The following LUZP2 variants were observed in gnomAD, a reference collection of about 807,000 sequenced individuals.
The protein encoded by LUZP2 is leucine zipper protein 2.
In LUZP2, 52 loss-of-function variants were observed where a neutral mutation model predicts 51.6. That is an observed-to-expected ratio of 1.01 (90% CI 0.81 to 1.27). The LOEUF is 1.27. Among genes scored for constraint, LUZP2 ranks in the 50% most tolerant of loss-of-function variants. The pLI is 0.00. For missense variants in LUZP2, 436 were observed against 395.4 expected (o/e 1.10, Z -0.87); for synonymous variants, 154 against 137.3 (o/e 1.12, Z -0.85).
chr11:24,909,502 A>G (rs962241293), intron 6 of LUZP2, among the ~76,000 whole-genome samples: 11 of 150,014 alleles, frequency 7.3e-5, no homozygotes, highest in East Asian at 3.9e-4. Flanking sequence ...TTTTGAGGGA[A>G]AAAAAAAAAA....
chr11:24,669,539 AT>A (rs918594966), intron 1 of LUZP2, among the ~76,000 whole-genome samples: 30 of 149,488 alleles, frequency 2.0e-4, no homozygotes, highest in African/African-American at 2.7e-4. Flanking sequence ...AATCTTTTCT[AT>A]TTTTTTTTTC....
intron 10 of LUZP2, among the ~76,000 whole-genome samples, chr11:25,071,314 G>A (rs1012696565): frequency 6.6e-6 from 1 of 151,856 alleles, no homozygotes; most frequent in African/African-American, 2.4e-5. Flanking sequence ...GTTAACGGGT[G>A]CAGCACACCA....
At chr11:24,648,781 C>G (rs1855539332) in intron 1 of LUZP2, among the ~76,000 whole-genome samples, 1 of 151,898 alleles carries the variant, frequency 6.6e-6, no homozygotes, top group African/African-American at 2.4e-5. Context: ...TCCTTGTACT[C>G]TACAAACTCA....
chr11:25,005,839 T>C (rs1174027555), intron 9 of LUZP2, among the ~76,000 whole-genome samples: 1 of 152,122 alleles, frequency 6.6e-6, no homozygotes, highest in African/African-American at 2.4e-5. Context: ...TCGGATTTAG[T>C]GGCCCTTACC....
intron 7 of LUZP2, among the ~76,000 whole-genome samples, chr11:24,963,625 A>G (rs1223486616): frequency 6.6e-6 from 1 of 152,130 alleles, no homozygotes; most frequent in Admixed American, 6.5e-5. Flanking sequence ...AGAAAGGCGC[A>G]GTATTCGGGT....
chr11:24,617,569 C>T (rs1480339293), intron 1 of LUZP2, among the ~76,000 whole-genome samples: 1 of 152,186 alleles, frequency 6.6e-6, no homozygotes, highest in Non-Finnish European at 1.5e-5. Flanking sequence ...GCCTGTAATC[C>T]TAGCACTTTG....
chr11:24,755,476 A>G (rs1859740145), intron 4 of LUZP2, among the ~76,000 whole-genome samples: 1 of 152,192 alleles, frequency 6.6e-6, no homozygotes, highest in Non-Finnish European at 1.5e-5. Context: ...TCAGCACTCT[A>G]TTTAAATTCT....
intron 5 of LUZP2, among the ~76,000 whole-genome samples, chr11:24,857,707 T>A: frequency 1.1e-3 from 1 of 950 alleles, no homozygotes; most frequent in South Asian, 0.25. Flanking sequence ...AGTCAGAGGG[T>A]GAACTTTAAT....
intron 7 of LUZP2, among the ~76,000 whole-genome samples, chr11:24,960,633 C>T (rs1359085663): frequency 6.6e-6 from 1 of 152,000 alleles, no homozygotes; most frequent in Non-Finnish European, 1.5e-5. Flanking sequence ...TGATTCTTCT[C>T]TCTTTTTTTC....
intron 5 of LUZP2, among the ~76,000 whole-genome samples, chr11:24,792,234 C>A (rs1849429023): frequency 6.6e-6 from 1 of 151,868 alleles, no homozygotes; most frequent in Non-Finnish European, 1.5e-5. Flanking sequence ...TGAGACCATC[C>A]TGCCAACATG....
intron 1 of LUZP2, among the ~76,000 whole-genome samples, chr11:24,505,725 G>T (rs1042842338): frequency 6.6e-6 from 1 of 152,006 alleles, no homozygotes; most frequent in Middle Eastern, 3.2e-3. Context: ...TCAAGAACAT[G>T]CAGATAATTT....
At chr11:24,728,460 A>G (rs1590408113) in intron 1 of LUZP2, among the ~76,000 whole-genome samples, 1 of 151,954 alleles carries the variant, frequency 6.6e-6, no homozygotes, top group Non-Finnish European at 1.5e-5. Context: ...GACTATTGCA[A>G]TGGTAACTTT....
chr11:24,800,238 T>C (rs1485331833), intron 5 of LUZP2, among the ~76,000 whole-genome samples: 2 of 152,130 alleles, frequency 1.3e-5, no homozygotes, highest in Non-Finnish European at 2.9e-5. Context: ...CTTTTTCTCT[T>C]GCAGAATTCT....
intron 5 of LUZP2, among the ~76,000 whole-genome samples, chr11:24,877,426 A>G (rs939905122): frequency 1.3e-5 from 2 of 152,140 alleles, no homozygotes; most frequent in Non-Finnish European, 2.9e-5. Context: ...ACTCTCTTAA[A>G]AATATGTATT....
At chr11:24,678,081 G>T (rs574598166) in intron 1 of LUZP2, among the ~76,000 whole-genome samples, 2 of 139,056 alleles carry the variant, frequency 1.4e-5, no homozygotes, top group Admixed American at 7.2e-5. Context: ...AGAAAGGGGG[G>T]GGGGGGTGAT....
At chr11:24,927,385 G>T (rs918416152) in intron 7 of LUZP2, among the ~76,000 whole-genome samples, 1 of 151,910 alleles carries the variant, frequency 6.6e-6, no homozygotes, top group Non-Finnish European at 1.5e-5. Context: ...AATTTTTATG[G>T]CTTCAGGTCT....
At chr11:24,911,112 T>C (rs1053612928) in intron 6 of LUZP2, among the ~76,000 whole-genome samples, 1 of 152,210 alleles carries the variant, frequency 6.6e-6, no homozygotes, top group Admixed American at 6.5e-5. Context: ...TTTTGGCCAA[T>C]TTCTTCATTT....
rs796860682 is a variant in LUZP2, at chr11:24,636,416, T to A, written c.63-92753T>A. Among the ~76,000 whole-genome samples, 10 of 152,322 alleles carry A rather than the reference T, an allele frequency of 6.6e-5. 1 individual carries two copies. Among genetic ancestry groups the A allele is most frequent in the African/African-American group, 2.2e-4 (9 of 41,586 alleles). The stretch of plus-strand genomic sequence containing the variant: ...AAGAGGGTGGATTCTGAACCTAGAC[T>A]GCTTGGGCTCAAATCCAGAGCACTC... On this transcript the variant is annotated intron_variant, in intron 1 of 11. Transcript: ENST00000336930.
intron 7 of LUZP2, among the ~76,000 whole-genome samples, chr11:24,960,386 C>G (rs1590776593): frequency 1.3e-5 from 2 of 151,948 alleles, no homozygotes; most frequent in South Asian, 2.1e-4. Flanking sequence ...GTCCTGGACT[C>G]TTTTTGGTTG....
Sources: allele counts gnomAD v4.1 joint callset (sites outside exome capture counted in the v4.1 genomes callset), GRCh38; gene constraint gnomAD v4.1.1; transcripts MANE v1.5; gene names NCBI Gene and HGNC (gene_info 2026-07-23, HGNC 2026-07-21).